Variants in ESCO1 observed in about 807,000 individuals in gnomAD.
ESCO1 encodes establishment of sister chromatid cohesion N-acetyltransferase 1, also known as N-acetyltransferase ESCO1.
Under a neutral mutation model 83.5 loss-of-function variants are expected in ESCO1, and 33 were observed. The observed-to-expected ratio is 0.40, with a 90% CI of 0.30 to 0.53. The LOEUF (loss-of-function observed/expected upper bound fraction) is 0.53, where lower values mean the gene tolerates loss of function less well. Among genes scored for constraint, ESCO1 ranks in the 20% least tolerant of loss-of-function variants. ESCO1 has a pLI of 0.63. For synonymous variants in ESCO1, 332 were observed against 324.3 expected, an observed-to-expected ratio of 1.02 and a Z score of -0.25; for missense variants, 855 against 968.0, an observed-to-expected ratio of 0.88 and a Z score of 1.55.
At chr18:21,597,832 T>C (rs1257741217) in intron 1 of ESCO1, among the ~76,000 whole-genome samples, 3 of 152,152 alleles carry the variant, frequency 2.0e-5, no homozygotes, top group Non-Finnish European at 2.9e-5. Context: ...CCTTTAAGCA[T>C]TGTAATGCAA....
chr18:21,550,045 T>C (rs926849461), intron 8 of ESCO1, among the ~76,000 whole-genome samples: 9 of 151,974 alleles, frequency 5.9e-5, no homozygotes, highest in Non-Finnish European at 1.3e-4. Flanking sequence ...ATCCATGTGT[T>C]TTTAAAGACA....
chr18:21,594,811 A>C (rs1235024459), intron 1 of ESCO1, among the ~76,000 whole-genome samples: 1 of 152,224 alleles, frequency 6.6e-6, no homozygotes, highest in Admixed American at 6.5e-5. Context: ...GTTGAACAAA[A>C]CACAACAGTA....
chr18:21,589,349 T>G (rs546067847), intron 1 of ESCO1, among the ~76,000 whole-genome samples: 3 of 152,322 alleles, frequency 2.0e-5, no homozygotes, highest in Non-Finnish European at 2.9e-5. Context: ...TAATCAGCCT[T>G]TTTCCTACAC....
At chr18:21,598,994 C>A (rs1016594719) in intron 1 of ESCO1, among the ~76,000 whole-genome samples, 1 of 151,800 alleles carries the variant, frequency 6.6e-6, no homozygotes, top group Admixed American at 6.6e-5. Flanking sequence ...TAAAGCACTT[C>A]TCATCCTACT....
chr18:21,540,538 C>A (rs777190668), intron 8 of ESCO1: 2 of 1,283,076 alleles, frequency 1.6e-6, no homozygotes, highest in Admixed American at 5.2e-5. Flanking sequence ...ATCACAACTA[C>A]CAAAGCCACA....
intron 2 of ESCO1, among the ~76,000 whole-genome samples, chr18:21,577,916 C>A (rs1462533025): frequency 1.3e-5 from 2 of 152,094 alleles, no homozygotes; most frequent in Non-Finnish European, 2.9e-5. Context: ...AGCAGCCAAG[C>A]CTATACCTTC....
At chr18:21,579,988 C>T (rs12959892) in intron 2 of ESCO1, among the ~76,000 whole-genome samples, 2 of 151,096 alleles carry the variant, frequency 1.3e-5, no homozygotes, top group Non-Finnish European at 3.0e-5. Flanking sequence ...CTCCGTCTCC[C>T]GGGTTCAAGC....
Position 21,530,585 on chromosome 18 carries a change from C to T in ESCO1, c.2376-95G>A. On this transcript the variant is annotated intron_variant, in intron 11 of 11. Transcript: ENST00000269214. Reference sequence around the variant, plus strand: ...TAAAACTGGAATAACCTGTCAAATACAATTTGACTAAAAAAGCTTTTTAGA... The same window carrying T: ...TAAAACTGGAATAACCTGTCAAATATAATTTGACTAAAAAAGCTTTTTAGA... The T allele has an allele frequency of 2.4e-6, 3 of 1,239,104 alleles. No individual in the cohort carries two copies. In the African/African-American group the frequency reaches 4.8e-5, roughly 20 times the overall value. The allele number at this position is 1,239,104 out of a possible 1,614,324, so 76.8% of individuals were successfully genotyped here.
At chr18:21,581,479 T>C (rs1020342974) in intron 2 of ESCO1, among the ~76,000 whole-genome samples, 1 of 151,996 alleles carries the variant, frequency 6.6e-6, no homozygotes, top group African/African-American at 2.4e-5. Flanking sequence ...GGCATGGTCA[T>C]GGGCACCTGT....
chr18:21,587,748 G>C (rs1234459027), intron 1 of ESCO1, among the ~76,000 whole-genome samples: 2 of 151,978 alleles, frequency 1.3e-5, no homozygotes, highest in Admixed American at 1.3e-4. Flanking sequence ...ACCAGTTTGG[G>C]CAACACAGCA....
At chr18:21,551,555 A>T (rs1030558119) in intron 8 of ESCO1, among the ~76,000 whole-genome samples, 11 of 152,256 alleles carry the variant, frequency 7.2e-5, no homozygotes, top group African/African-American at 2.7e-4. Context: ...CAAGTCTGGA[A>T]GCATGAGTGA....
chr18:21,532,350 C>T, intron 11 of ESCO1, 123 bp downstream of exon 11: 1 of 1,095,642 alleles, frequency 9.1e-7, no homozygotes, highest in Non-Finnish European at 1.3e-6. Flanking sequence ...TAACCTCATG[C>T]AAAATTTGTA....
chr18:21,542,599 T>C (rs2037920889), intron 8 of ESCO1, among the ~76,000 whole-genome samples: 3 of 152,196 alleles, frequency 2.0e-5, no homozygotes, highest in Admixed American at 6.5e-5. Context: ...GCAACTTCCA[T>C]TCTCCCTTCT....
intron 8 of ESCO1, among the ~76,000 whole-genome samples, chr18:21,553,413 TAA>T: frequency 0.01 from 1 of 98 alleles, no homozygotes; most frequent in Middle Eastern, 0.5. Flanking sequence ...CGAAATAAGC[TAA>T]GATGACACCG....
intron 6 of ESCO1, among the ~76,000 whole-genome samples, chr18:21,565,885 T>G (rs980093733): frequency 2.6e-5 from 4 of 152,012 alleles, no homozygotes; most frequent in African/African-American, 9.7e-5. Context: ...CTGCAGTGAT[T>G]GTGCCACTGC....
At chr18:21,590,594 T>C (rs2038651723) in intron 1 of ESCO1, among the ~76,000 whole-genome samples, 1 of 152,166 alleles carries the variant, frequency 6.6e-6, no homozygotes, top group Admixed American at 6.5e-5. Flanking sequence ...TTAATTGAAT[T>C]TGTATTTCAA....
In ESCO1 at chr18:21,591,660, CT is replaced by C. The variant is rs34643359; in HGVS notation, c.-824-7221del. Among the ~76,000 whole-genome samples, 1,364 of 140,374 alleles carry C rather than the reference CT, an allele frequency of 9.7e-3. 17 individuals carry two copies. Among genetic ancestry groups the C allele is most frequent in the African/African-American group, 0.03 (1,135 of 37,674 alleles). The allele number at this position is 140,374 out of a possible 152,430, so 92.1% of individuals were successfully genotyped here. ...AAGTTCACATGGATCACCACAGATG[CT>C]TTTTTTTTTTTTTTAATTTTTATTT... On this transcript the variant is annotated intron_variant, in intron 1 of 11. Coordinates refer to ENST00000269214, the MANE Select transcript of ESCO1 (RefSeq NM_052911.3).
chr18:21,541,518 G>A (rs1371967300), intron 8 of ESCO1, among the ~76,000 whole-genome samples: 1 of 150,704 alleles, frequency 6.6e-6, no homozygotes, highest in Admixed American at 6.6e-5. Flanking sequence ...GCTTGAACTC[G>A]GGAGGTGGAG....
intron 8 of ESCO1, among the ~76,000 whole-genome samples, chr18:21,554,147 G>A (rs1439265300): frequency 6.6e-6 from 1 of 152,124 alleles, no homozygotes; most frequent in Non-Finnish European, 1.5e-5. Flanking sequence ...AACACCAAAT[G>A]CTGGTGAGGA....
Sources: gnomAD v4.1 joint callset for allele counts (sites outside exome capture counted in the v4.1 genomes callset) on GRCh38, gnomAD v4.1.1 for gene constraint, MANE v1.5 for transcripts, NCBI Gene and HGNC (gene_info 2026-07-23, HGNC 2026-07-21) for gene names.